NLGN4X: variants seen among roughly 807,000 people sequenced by gnomAD.
The protein encoded by NLGN4X is neuroligin-4, X-linked.
Under a neutral mutation model 40.3 loss-of-function variants are expected in NLGN4X, and 3 were observed. The ratio of observed to expected loss-of-function variants is 0.07; its 90% confidence interval spans 0.03 to 0.19. The LOEUF (loss-of-function observed/expected upper bound fraction) is 0.19. Among genes scored for constraint, NLGN4X ranks in the 10% least tolerant of loss-of-function variants. NLGN4X has a pLI of 1.00. For missense variants in NLGN4X, 382 were observed against 708.3 expected (o/e 0.54, Z 5.23); for synonymous variants, 270 against 306.8 (o/e 0.88, Z 1.25).
In NLGN4X at chrX:6,045,004, C is replaced by T. The variant is rs139878327; in HGVS notation, c.473-15572G>A. Among the ~76,000 whole-genome samples the T allele has an allele frequency of 4.8e-3, 538 of 111,922 alleles. 1 individual carries two copies. Among genetic ancestry groups the T allele is most frequent in the Non-Finnish European group, 7.4e-3 (391 of 53,157 alleles). The stretch of plus-strand genomic sequence containing the variant: ...AGATAAAAAGGATGCGTTGGCAAAG[C>T]ATACTCCAATAAAATATAAAGTGTA... On this transcript the variant is annotated intron_variant, in intron 2 of 5. Coordinates refer to ENST00000381095, the MANE Select transcript of NLGN4X (RefSeq NM_181332.3).
rs745522629 is a variant in NLGN4X, at chrX:6,102,703, T to TGATA, written c.472+48288_472+48291dup. 2.7e-5 allele frequency among the ~76,000 whole-genome samples: 3 copies of TGATA among 109,504 alleles called. No individual in the cohort carries two copies. The East Asian group carries it at 8.5e-4, about 31-fold the overall frequency. On this transcript the variant is annotated intron_variant, in intron 2 of 5. Coordinates refer to ENST00000381095, the MANE Select transcript of NLGN4X (RefSeq NM_181332.3). ...AGATAGATACATAGATGCATAGAGA[T>TGATA]GATAGATACATATAGATAAGATAGA...
At chrX:6,009,811 C>CATA (rs1353605646) in intron 3 of NLGN4X, among the ~76,000 whole-genome samples, 3 of 112,536 alleles carry the variant, frequency 2.7e-5, no homozygotes, top group African/African-American at 9.7e-5. Flanking sequence ...CGTATGAAGA[C>CATA]ATACACCACT....
chrX:6,132,252 C>A (rs763161883), intron 2 of NLGN4X, among the ~76,000 whole-genome samples: 3 of 111,604 alleles, frequency 2.7e-5, no homozygotes, highest in Non-Finnish European at 5.6e-5. Context: ...TTAGCAGCAT[C>A]CTCTGCCTTC....
At chrX:6,146,696 C>CA (rs3072062) in intron 2 of NLGN4X, among the ~76,000 whole-genome samples, 34,082 of 96,978 alleles carry the variant, frequency 0.35, 4,785 homozygotes, top group African/African-American at 0.49. Context: ...GTATTGCTAG[C>CA]AAAAAAAAAA....
At chrX:6,169,470 T>C (rs1429014863) in intron 1 of NLGN4X, among the ~76,000 whole-genome samples, 1 of 113,161 alleles carries the variant, frequency 8.8e-6, no homozygotes, top group Non-Finnish European at 1.9e-5. Context: ...ACTTTGAAGC[T>C]TGGCAAAGGC....
chrX:6,193,438 T>C (rs866905143), intron 1 of NLGN4X, among the ~76,000 whole-genome samples: 12 of 91,226 alleles, frequency 1.3e-4, no homozygotes, highest in African/African-American at 2.9e-4. Context: ...AAAAAATGCC[T>C]CCCTGGAAAC....
intron 3 of NLGN4X, among the ~76,000 whole-genome samples, chrX:5,977,208 G>A (rs1252568101): frequency 9.0e-6 from 1 of 111,593 alleles, no homozygotes; most frequent in Non-Finnish European, 1.9e-5. Context: ...AGAGCATTTA[G>A]CTTATTTACT....
At chrX:6,099,784 T>C (rs1377929638) in intron 2 of NLGN4X, among the ~76,000 whole-genome samples, 2 of 112,462 alleles carry the variant, frequency 1.8e-5, no homozygotes, top group Non-Finnish European at 3.7e-5. Flanking sequence ...CTTTGCTTGT[T>C]GCAAATTAAA....
intron 1 of NLGN4X, among the ~76,000 whole-genome samples, chrX:6,220,700 C>T (rs1194933180): frequency 3.8e-5 from 4 of 106,301 alleles, no homozygotes; most frequent in Non-Finnish European, 5.8e-5. Flanking sequence ...ATAAGGAGTA[C>T]ATCCAGACCC....
At chrX:6,215,680 A>G (rs964139841) in intron 1 of NLGN4X, among the ~76,000 whole-genome samples, 3 of 111,257 alleles carry the variant, frequency 2.7e-5, no homozygotes, top group Non-Finnish European at 3.8e-5. Flanking sequence ...CTGTTTTCCA[A>G]TTTCATCATG....
chrX:6,206,770 A>G (rs112978056), intron 1 of NLGN4X, among the ~76,000 whole-genome samples: 12,550 of 111,261 alleles, frequency 0.11, 650 homozygotes, highest in African/African-American at 0.19. Context: ...TGTACGGAAT[A>G]AGGGCCACCT....
intron 2 of NLGN4X, among the ~76,000 whole-genome samples, chrX:6,076,123 A>G (rs2038189320): frequency 8.9e-6 from 1 of 112,160 alleles, no homozygotes; most frequent in African/African-American, 3.2e-5. Context: ...CCTATATGCT[A>G]AATCTCTGTA....
At chrX:6,197,706 A>G (rs1198027686) in intron 1 of NLGN4X, among the ~76,000 whole-genome samples, 2 of 111,223 alleles carry the variant, frequency 1.8e-5, no homozygotes, top group Non-Finnish European at 3.8e-5. Context: ...AAAAACATTA[A>G]TTATACAGGA....
chrX:6,178,676 A>G (rs1303973107), intron 1 of NLGN4X, among the ~76,000 whole-genome samples: 1 of 112,657 alleles, frequency 8.9e-6, no homozygotes, highest in Non-Finnish European at 1.9e-5. Context: ...ACTTATTTTC[A>G]AAAAAAGTAT....
At chrX:5,907,540 G>C (rs745590950) in intron 4 of NLGN4X, among the ~76,000 whole-genome samples, 1 of 111,852 alleles carries the variant, frequency 8.9e-6, no homozygotes, top group East Asian at 2.8e-4. Context: ...TTGGGTACGG[G>C]TGCCTATGCT....
At chrX:6,065,211 C>A (rs1376341278) in intron 2 of NLGN4X, among the ~76,000 whole-genome samples, 1 of 110,195 alleles carries the variant, frequency 9.1e-6, no homozygotes, top group Non-Finnish European at 1.9e-5. Flanking sequence ...CAAACCCCAG[C>A]GACACCCAAT....
rs749594699 is a variant in NLGN4X at position 6,047,726 on chromosome X, T to C, written c.473-18294A>G. Among the ~76,000 whole-genome samples, 4 of 111,652 alleles carry C rather than the reference T, an allele frequency of 3.6e-5. No individual in the cohort carries two copies. The South Asian group carries it at 1.5e-3, about 42-fold the overall frequency. On this transcript the variant is annotated intron_variant, in intron 2 of 5. Coordinates refer to ENST00000381095, the MANE Select transcript of NLGN4X (RefSeq NM_181332.3). ...GAGGGAGAAAAACAAAAGGTGTCTC[T>C]ACAATAGAGGACACCTTTGGAGGTA...
intron 2 of NLGN4X, among the ~76,000 whole-genome samples, chrX:6,062,709 G>A (rs757910512): frequency 3.7e-4 from 41 of 110,601 alleles, no homozygotes; most frequent in South Asian, 7.9e-4. Flanking sequence ...TAGTGAGTAA[G>A]TATCACAAAA....
intron 3 of NLGN4X, among the ~76,000 whole-genome samples, chrX:5,980,741 T>C (rs747845550): frequency 9.0e-6 from 1 of 110,736 alleles, no homozygotes; most frequent in African/African-American, 3.3e-5. Context: ...CTCTAGTCTA[T>C]GATATTGATC....
Sources: allele counts gnomAD v4.1 joint callset (sites outside exome capture counted in the v4.1 genomes callset), GRCh38; gene constraint gnomAD v4.1.1; transcripts MANE v1.5; gene names NCBI Gene and HGNC (gene_info 2026-07-23, HGNC 2026-07-21).